The following GARNL3 variants were observed in gnomAD, a reference collection of about 807,000 sequenced individuals.
GARNL3 encodes GTPase activating Rap/RanGAP domain like 3, also known as GTPase-activating Rap/Ran-GAP domain-like protein 3.
Under a neutral mutation model 125.0 loss-of-function variants are expected in GARNL3, and 63 were observed. The ratio of observed to expected loss-of-function variants is 0.50; its 90% confidence interval spans 0.41 to 0.62. The LOEUF (loss-of-function observed/expected upper bound fraction) is 0.62, where lower values mean the gene tolerates loss of function less well. Ranked by LOEUF, GARNL3 falls within the 20% of genes least tolerant of loss-of-function variation. GARNL3 has a pLI of 0.00. For synonymous variants in GARNL3, 439 were observed against 457.5 expected, an observed-to-expected ratio of 0.96 and a Z score of 0.52; for missense variants, 994 against 1,244.0, an observed-to-expected ratio of 0.80 and a Z score of 3.02.
rs1832417146 is a variant in GARNL3 at position 127,384,124 on chromosome 9, C to T, written c.2269+579C>T. On this transcript the variant is annotated intron_variant, in intron 23 of 27. Coordinates refer to ENST00000373387, the MANE Select transcript of GARNL3 (RefSeq NM_032293.5). The surrounding 1 kb of genome is among the most constrained non-coding windows in gnomAD (Gnocchi z 4.0). Reference sequence around the variant, plus strand: ...CAATAAAACTGTGTGTTAATAGGTCCACAGGACAGCATTTTGAGAGGAAGG... The same window carrying T: ...CAATAAAACTGTGTGTTAATAGGTCTACAGGACAGCATTTTGAGAGGAAGG... Among the ~76,000 whole-genome samples the T allele has an allele frequency of 6.6e-6, 1 of 152,164 alleles. No individual in the cohort carries two copies. The highest frequency in any genetic ancestry group is 6.5e-5 in the Admixed American group (1 of 15,280).
At chr9:127,365,517 C>T (rs1389865729) in intron 22 of GARNL3, 151 bp downstream of exon 22, 4 of 686,042 alleles carry the variant, frequency 5.8e-6, no homozygotes, top group Non-Finnish European at 7.8e-6. Context: ...AAATACCTTC[C>T]TCCCTGAGTC....
At position 127,318,089 on chromosome 9, in the gene GARNL3, C is replaced by T. The variant is rs369802746; in HGVS notation, c.465C>T (p.Tyr155=). 3 of 1,609,044 alleles carry T rather than the reference C, an allele frequency of 1.9e-6. No individual in the cohort carries two copies. In the African/African-American group the frequency reaches 4.0e-5, roughly 22 times the overall value. Reference sequence around the variant, plus strand: ...GTACCCAGAAAATATGCCTTCCCTACAGTCCCACAAAAACTCTTTCTGTGA... The same window carrying T: ...GTACCCAGAAAATATGCCTTCCCTATAGTCCCACAAAAACTCTTTCTGTGA... ...KTGTQKICLP[Y]SPTKTLSVKS... The change falls in exon 5 of 28, where the codon TAC becomes TAT. Residue 155 remains tyrosine, a synonymous_variant. Transcript: ENST00000373387.
At chr9:127,243,141 A>C (rs759786839) in exon 2 of GARNL3, 1 of 1,365,798 alleles carries the variant, frequency 7.3e-7, no homozygotes, top group Non-Finnish European at 9.8e-7. Context: ...TGTGGGAGTC[A>C]GATAGCACAA....
chr9:127,245,140 A>C (rs2063275061), intron 2 of GARNL3, among the ~76,000 whole-genome samples: 1 of 152,184 alleles, frequency 6.6e-6, no homozygotes, highest in South Asian at 2.1e-4. Flanking sequence ...TGGAGCTCCG[A>C]GCAGGAGTTA....
chr9:127,225,569 G>T (rs2062893126), intron 1 of GARNL3, among the ~76,000 whole-genome samples: 1 of 151,610 alleles, frequency 6.6e-6, no homozygotes, highest in South Asian at 2.1e-4. Flanking sequence ...TGTGGGAGGG[G>T]CCGGGCCGTC....
Position 127,279,483 on chromosome 9 carries a change from A to G in GARNL3, c.145-11685A>G, listed in dbSNP as rs116508136. 8.8e-3 allele frequency among the ~76,000 whole-genome samples: 1,337 copies of G among 152,212 alleles called. 28 individuals carry two copies. The highest frequency in any genetic ancestry group is 0.03 in the African/African-American group (1,247 of 41,532). On this transcript the variant is annotated intron_variant, in intron 1 of 27. Transcript: ENST00000373387. ...AATCAGCATCTAAAATGATGGAGAT[A>G]TTACTGTTTTAGTTCCCTAAAATTA...
intron 1 of GARNL3, among the ~76,000 whole-genome samples, chr9:127,240,949 T>C (rs1453662045): frequency 2.6e-5 from 4 of 152,266 alleles, no homozygotes; most frequent in Non-Finnish European, 2.9e-5. Context: ...ACAGTGTATT[T>C]ATATCATTCA....
intron 10 of GARNL3, 92 bp from the exon 11 acceptor site, chr9:127,336,036 G>A: frequency 1.1e-6 from 1 of 902,830 alleles, no homozygotes; most frequent in Non-Finnish European, 1.8e-6. Context: ...CATAGTGGCT[G>A]TGGTTTGTTA....
intron 6 of GARNL3, among the ~76,000 whole-genome samples, chr9:127,322,423 T>C (rs560204047): frequency 6.6e-6 from 1 of 152,236 alleles, no homozygotes; most frequent in East Asian, 1.9e-4. Flanking sequence ...AAAAAAGATA[T>C]AGCAGCATTC....
At chr9:127,380,881 CATTTT>C (rs1328789622) in intron 22 of GARNL3, among the ~76,000 whole-genome samples, 2 of 152,026 alleles carry the variant, frequency 1.3e-5, no homozygotes, top group East Asian at 1.9e-4. Flanking sequence ...TTGAATTGTA[CATTTT>C]ATTTTATTTT....
At chr9:127,287,986 A>G (rs1234052517) in intron 1 of GARNL3, among the ~76,000 whole-genome samples, 1 of 152,090 alleles carries the variant, frequency 6.6e-6, no homozygotes, top group Non-Finnish European at 1.5e-5. Flanking sequence ...ATCTATTCCC[A>G]TATTTCTTGT....
In GARNL3 at chr9:127,264,823, C is replaced by G. The variant is rs1204345331; in HGVS notation, c.-55C>G. ...CTGTGTCTGTTGCAAGGAGGCTCCC[C>G]TGCAGTGAGGAGCCGGGGCACTGCA... On this transcript the variant is annotated 5_prime_UTR_variant, in exon 1 of 28. Coordinates refer to ENST00000373387, the MANE Select transcript of GARNL3 (RefSeq NM_032293.5). 12 of 1,452,580 alleles carry G rather than the reference C, an allele frequency of 8.3e-6. No individual in the cohort carries two copies. Among genetic ancestry groups the G allele is most frequent in the Admixed American group, 2.2e-5 (1 of 45,734 alleles). The allele number at this position is 1,452,580 out of a possible 1,614,324, so 90.0% of individuals were successfully genotyped here.
At chr9:127,270,662 T>G (rs2063802416) in intron 1 of GARNL3, among the ~76,000 whole-genome samples, 1 of 152,248 alleles carries the variant, frequency 6.6e-6, no homozygotes, top group Non-Finnish European at 1.5e-5. Flanking sequence ...CCTCTGCTAT[T>G]CTGTAACTCA....
At chr9:127,379,788 A>T (rs960747909) in intron 22 of GARNL3, among the ~76,000 whole-genome samples, 6 of 152,268 alleles carry the variant, frequency 3.9e-5, no homozygotes, top group African/African-American at 1.4e-4. Context: ...TAGTGAAGAA[A>T]GCAAATTATA....
At chr9:127,306,318 C>T (rs2064951476) in intron 2 of GARNL3, among the ~76,000 whole-genome samples, 1 of 152,208 alleles carries the variant, frequency 6.6e-6, no homozygotes, top group Non-Finnish European at 1.5e-5. Context: ...TGTAGTGGCT[C>T]ACGCCTGTAA....
At chr9:127,331,058 C>G (rs963909220) in intron 7 of GARNL3, among the ~76,000 whole-genome samples, 4 of 152,102 alleles carry the variant, frequency 2.6e-5, no homozygotes, top group African/African-American at 9.7e-5. Context: ...AATTGACCAC[C>G]AAGAATTTCT....
intron 4 of GARNL3, among the ~76,000 whole-genome samples, chr9:127,315,403 G>A (rs919512469): frequency 2.6e-5 from 4 of 152,124 alleles, no homozygotes; most frequent in Admixed American, 2.6e-4. Context: ...TTGGGAGGTC[G>A]AGGTGGGAGG....
At chr9:127,257,292 G>A (rs2063510547) in intron 2 of GARNL3, among the ~76,000 whole-genome samples, 1 of 152,208 alleles carries the variant, frequency 6.6e-6, no homozygotes, top group Non-Finnish European at 1.5e-5. Flanking sequence ...ATGCTCAAGA[G>A]TGCAGTTGCT....
intron 2 of GARNL3, among the ~76,000 whole-genome samples, chr9:127,255,119 C>T (rs1229961950): frequency 2.6e-5 from 4 of 152,188 alleles, no homozygotes; most frequent in African/African-American, 9.7e-5. Flanking sequence ...TAAGAGTGCA[C>T]ACATCATGAC....
Sources: gnomAD v4.1 joint callset for allele counts (sites outside exome capture counted in the v4.1 genomes callset) on GRCh38, gnomAD v4.1.1 for gene constraint, Gnocchi (gnomAD v3.1) non-coding constraint, MANE v1.5 for transcripts, NCBI Gene and HGNC (gene_info 2026-07-23, HGNC 2026-07-21) for gene names.